The following CCDC178 variants were observed in gnomAD, a reference collection of about 807,000 sequenced individuals.
CCDC178 encodes coiled-coil domain containing 178.
In CCDC178, 126 loss-of-function variants were observed where a neutral mutation model predicts 117.4. The ratio of observed to expected loss-of-function variants is 1.07; its 90% CI spans 0.93 to 1.24. The LOEUF is 1.24. CCDC178 is among the 50% of genes most tolerant of loss of function. CCDC178 has a pLI of 0.00. For missense variants in CCDC178, 1,030 were observed against 986.9 expected, an observed-to-expected ratio of 1.04 and a Z score of -0.59; for synonymous variants, 283 against 313.4, an observed-to-expected ratio of 0.90 and a Z score of 1.02.
chr18:33,054,427 C>T (rs2144937702), intron 21 of CCDC178, among the ~76,000 whole-genome samples: 1 of 152,310 alleles, frequency 6.6e-6, no homozygotes, highest in South Asian at 2.1e-4. Flanking sequence ...TACCTGCCCC[C>T]CATACCCCAA....
chr18:33,041,550 T>C (rs893301753), intron 21 of CCDC178, among the ~76,000 whole-genome samples: 4 of 151,368 alleles, frequency 2.6e-5, no homozygotes, highest in African/African-American at 9.7e-5. Flanking sequence ...TAATAATATC[T>C]AATTTATTGA....
intron 21 of CCDC178, among the ~76,000 whole-genome samples, chr18:33,088,875 GACA>G (rs1379565608): frequency 2.0e-5 from 3 of 152,074 alleles, no homozygotes; most frequent in African/African-American, 7.2e-5. Flanking sequence ...TAAGTTCTAG[GACA>G]ACATTTCTTC....
At chr18:32,943,767 C>A (rs1359237475) in intron 22 of CCDC178, among the ~76,000 whole-genome samples, 2 of 152,122 alleles carry the variant, frequency 1.3e-5, no homozygotes, top group African/African-American at 4.8e-5. Context: ...AAAACAAATC[C>A]CGCTTAACAT....
At chr18:33,030,798 T>C (rs567575715) in intron 21 of CCDC178, among the ~76,000 whole-genome samples, 1 of 152,134 alleles carries the variant, frequency 6.6e-6, no homozygotes, top group South Asian at 2.1e-4. Flanking sequence ...GATAGATAGA[T>C]GTAGATATAG....
chr18:33,240,755 T>G (rs549241198), intron 15 of CCDC178, among the ~76,000 whole-genome samples: 2 of 152,056 alleles, frequency 1.3e-5, no homozygotes, highest in South Asian at 4.1e-4. Flanking sequence ...ATGTCTTCAC[T>G]GCTGAATTCT....
chr18:32,939,359 A>G (rs1047780568), intron 22 of CCDC178, among the ~76,000 whole-genome samples: 8 of 152,142 alleles, frequency 5.3e-5, no homozygotes, highest in African/African-American at 1.9e-4. Context: ...TAAGAATGAA[A>G]CATTGAAAAA....
intron 21 of CCDC178, among the ~76,000 whole-genome samples, chr18:33,007,754 G>C (rs1383909135): frequency 1.3e-5 from 2 of 152,098 alleles, no homozygotes; most frequent in Non-Finnish European, 2.9e-5. Context: ...TGATTGGTAT[G>C]ACATGACTGA....
chr18:33,391,112 G>T (rs1006732087), intron 4 of CCDC178, among the ~76,000 whole-genome samples: 4 of 149,708 alleles, frequency 2.7e-5, no homozygotes, highest in African/African-American at 7.3e-5. Flanking sequence ...TACCCAAAAA[G>T]AACCAAATAT....
At chr18:33,405,631 G>C (rs1209006292) in intron 3 of CCDC178, among the ~76,000 whole-genome samples, 2 of 151,936 alleles carry the variant, frequency 1.3e-5, no homozygotes, top group African/African-American at 4.8e-5. Flanking sequence ...ATATAGGCCA[G>C]AGATAATTGC....
At chr18:33,346,141 A>G in intron 9 of CCDC178, 70 bp downstream of exon 9, 1 of 1,222,836 alleles carries the variant, frequency 8.2e-7, no homozygotes. Flanking sequence ...TTTTAAAAAT[A>G]TACAGACCTG....
At chr18:33,074,862 A>G (rs1598854917) in intron 21 of CCDC178, among the ~76,000 whole-genome samples, 1 of 152,224 alleles carries the variant, frequency 6.6e-6, no homozygotes, top group Non-Finnish European at 1.5e-5. Context: ...AACAAAACAT[A>G]AAGTGCTCCA....
At chr18:33,184,442 T>C (rs1021857147) in intron 20 of CCDC178, among the ~76,000 whole-genome samples, 1 of 151,902 alleles carries the variant, frequency 6.6e-6, no homozygotes, top group Non-Finnish European at 1.5e-5. Flanking sequence ...CAATCAATAG[T>C]TCTTGGCAAG....
At chr18:33,208,560 T>C (rs190782550) in intron 20 of CCDC178, among the ~76,000 whole-genome samples, 3 of 152,042 alleles carry the variant, frequency 2.0e-5, no homozygotes, top group African/African-American at 4.8e-5. Flanking sequence ...TCATTCAACA[T>C]TGAGTGCCTT....
At chr18:33,037,753 A>C (rs571322704) in intron 21 of CCDC178, among the ~76,000 whole-genome samples, 2 of 152,074 alleles carry the variant, frequency 1.3e-5, no homozygotes, top group South Asian at 4.1e-4. Flanking sequence ...GATACTTATA[A>C]ATTTTCGACA....
chr18:33,028,593 T>C (rs1448403662), intron 21 of CCDC178, among the ~76,000 whole-genome samples: 6 of 151,792 alleles, frequency 4.0e-5, no homozygotes, highest in Non-Finnish European at 8.9e-5. Context: ...TTTTGATTAC[T>C]AATAATTAAT....
chr18:32,965,302 C>T (rs1448597636), intron 22 of CCDC178, among the ~76,000 whole-genome samples: 3 of 151,942 alleles, frequency 2.0e-5, no homozygotes, highest in Middle Eastern at 3.4e-3. Context: ...TATAAACACA[C>T]AACTGAAATA....
Position 33,349,758 on chromosome 18 carries a change from A to G in CCDC178, c.372-783T>C, listed in dbSNP as rs866123023. On this transcript the variant is annotated intron_variant, in intron 7 of 22. Coordinates refer to ENST00000383096, the MANE Select transcript of CCDC178 (RefSeq NM_001105528.4). ...TTTTATTAAAGAAGTATTCTAAATTAAGAAAACTGTATACATACCAAAAAT... is the reference window on the plus strand; with the variant it reads ...TTTTATTAAAGAAGTATTCTAAATTGAGAAAACTGTATACATACCAAAAAT... 2.0e-5 allele frequency among the ~76,000 whole-genome samples: 3 copies of G among 151,884 alleles called. No individual in the cohort carries two copies. In the South Asian group the frequency reaches 6.2e-4, roughly 31 times the overall value.
intron 14 of CCDC178, among the ~76,000 whole-genome samples, chr18:33,248,123 G>A (rs559557787): frequency 1.3e-5 from 2 of 151,748 alleles, no homozygotes; most frequent in Non-Finnish European, 2.9e-5. Context: ...ACAAAGTGAT[G>A]TAATAAATGC....
rs78340616 is a variant in CCDC178, at chr18:33,097,413, A to G, written c.2239-4503T>C. Among the ~76,000 whole-genome samples the G allele has an allele frequency of 4.2e-3, 638 of 152,274 alleles. 8 individuals are homozygous for G. Among genetic ancestry groups the G allele is most frequent in the African/African-American group, 0.015 (611 of 41,572 alleles). On this transcript the variant is annotated intron_variant, in intron 20 of 22. Transcript: ENST00000383096. ...TGTCCAGAAAGGGTGAAACAGAGAC[A>G]TGCCATCCCCGCTCGGCCTTGTCCA...
Sources: allele counts gnomAD v4.1 joint callset (sites outside exome capture counted in the v4.1 genomes callset), GRCh38; gene constraint gnomAD v4.1.1; transcripts MANE v1.5; gene names NCBI Gene and HGNC (gene_info 2026-07-23, HGNC 2026-07-21).